The following NTNG1 variants were observed in gnomAD, a reference collection of about 807,000 sequenced individuals.
The protein encoded by NTNG1 is netrin-G1.
In NTNG1, 16 loss-of-function variants were observed where a neutral mutation model predicts 54.0. The ratio of observed to expected loss-of-function variants is 0.30; its 90% CI spans 0.20 to 0.45. The LOEUF (loss-of-function observed/expected upper bound fraction) is 0.45, where lower values mean the gene tolerates loss of function less well. NTNG1 is among the 20% of genes least tolerant of loss of function. The pLI is 1.00. For synonymous variants in NTNG1, 255 were observed against 263.1 expected (o/e 0.97, Z 0.30); for missense variants, 530 against 678.7 (o/e 0.78, Z 2.43).
chr1:107,271,020 A>G (rs773105955), intron 2 of NTNG1, among the ~76,000 whole-genome samples: 33 of 152,102 alleles, frequency 2.2e-4, no homozygotes, highest in Admixed American at 1.1e-3. Context: ...TACATATTCA[A>G]CCAAAAGGAT....
intron 5 of NTNG1, among the ~76,000 whole-genome samples, chr1:107,427,356 G>T (rs1220009841): frequency 1.3e-5 from 2 of 151,936 alleles, no homozygotes; most frequent in Non-Finnish European, 2.9e-5. Flanking sequence ...GGAGGTCATG[G>T]GAGGTCAGTG....
intron 7 of NTNG1, among the ~76,000 whole-genome samples, chr1:107,451,773 G>A (rs1676642104): frequency 6.6e-6 from 1 of 152,112 alleles, no homozygotes. Flanking sequence ...TTTGAATCCT[G>A]CAACATCATA....
At chr1:107,414,669 G>A (rs1344287630) in intron 5 of NTNG1, among the ~76,000 whole-genome samples, 1 of 152,110 alleles carries the variant, frequency 6.6e-6, no homozygotes, top group East Asian at 1.9e-4. Flanking sequence ...ACTGTTTATA[G>A]TACAGCAATC....
intron 2 of NTNG1, among the ~76,000 whole-genome samples, chr1:107,323,684 C>T (rs1667782544): frequency 6.6e-6 from 1 of 152,064 alleles, no homozygotes; most frequent in South Asian, 2.1e-4. Flanking sequence ...TAGGGTACCA[C>T]ATTTTAATAA....
chr1:107,152,246 G>GTTT (rs1201604523), intron 2 of NTNG1, among the ~76,000 whole-genome samples: 2 of 151,988 alleles, frequency 1.3e-5, no homozygotes, highest in Non-Finnish European at 2.9e-5. Flanking sequence ...TTTTTAGGCT[G>GTTT]GGAAAACACA....
chr1:107,461,860 C>G (rs977233464), intron 7 of NTNG1, among the ~76,000 whole-genome samples: 4 of 152,094 alleles, frequency 2.6e-5, no homozygotes, highest in African/African-American at 9.7e-5. Flanking sequence ...TCCAAGTTCC[C>G]TGGGCCTTGA....
chr1:107,326,812 T>G (rs1270436599), intron 3 of NTNG1, among the ~76,000 whole-genome samples: 3 of 152,172 alleles, frequency 2.0e-5, no homozygotes, highest in Non-Finnish European at 4.4e-5. Flanking sequence ...CTGATGCTTA[T>G]TTTTGTTATT....
chr1:107,272,121 C>T (rs893651590), intron 2 of NTNG1, among the ~76,000 whole-genome samples: 14 of 152,010 alleles, frequency 9.2e-5, no homozygotes, highest in African/African-American at 2.9e-4. Context: ...TCGAGCACCT[C>T]GTTGTGTCAA....
intron 3 of NTNG1, among the ~76,000 whole-genome samples, chr1:107,327,806 T>A (rs1449996554): frequency 6.6e-6 from 1 of 152,124 alleles, no homozygotes; most frequent in Non-Finnish European, 1.5e-5. Context: ...GAATTCAAAA[T>A]TTTTTTACCT....
chr1:107,435,681 T>G (rs1465886654), intron 6 of NTNG1, among the ~76,000 whole-genome samples: 3 of 152,124 alleles, frequency 2.0e-5, no homozygotes, highest in African/African-American at 7.2e-5. Context: ...ATGGTATAGT[T>G]TTATTTGGTT....
intron 2 of NTNG1, among the ~76,000 whole-genome samples, chr1:107,273,268 T>C (rs1664261688): frequency 6.6e-6 from 1 of 152,090 alleles, no homozygotes; most frequent in African/African-American, 2.4e-5. Context: ...GGAGAATGTA[T>C]AGAACTGGAA....
chr1:107,403,832 A>C (rs1204528417), intron 4 of NTNG1, among the ~76,000 whole-genome samples: 1 of 152,120 alleles, frequency 6.6e-6, no homozygotes, highest in Non-Finnish European at 1.5e-5. Flanking sequence ...TGGACAAGGC[A>C]CTTGAGTCTC....
chr1:107,239,003 A>C (rs2101569990), intron 2 of NTNG1, among the ~76,000 whole-genome samples: 1 of 152,314 alleles, frequency 6.6e-6, no homozygotes, highest in East Asian at 1.9e-4. Context: ...TGATTTGTTC[A>C]ACACAGGATT....
intron 2 of NTNG1, among the ~76,000 whole-genome samples, chr1:107,231,215 T>TA (rs1019864861): frequency 6.6e-6 from 1 of 152,168 alleles, no homozygotes; most frequent in Non-Finnish European, 1.5e-5. Context: ...ATGATCATCA[T>TA]AAAAATCAAT....
At chr1:107,180,038 C>T (rs1656953326) in intron 2 of NTNG1, among the ~76,000 whole-genome samples, 1 of 152,178 alleles carries the variant, frequency 6.6e-6, no homozygotes, top group Admixed American at 6.6e-5. Flanking sequence ...GAAACCCTTG[C>T]TTCCTACATA....
At chr1:107,273,174 A>C (rs1010949892) in intron 2 of NTNG1, among the ~76,000 whole-genome samples, 1 of 152,166 alleles carries the variant, frequency 6.6e-6, no homozygotes. Context: ...GCTTACAGAC[A>C]TCAAGGTAGG....
chr1:107,259,391 A>G (rs1663147394), intron 2 of NTNG1, among the ~76,000 whole-genome samples: 2 of 152,212 alleles, frequency 1.3e-5, no homozygotes, highest in African/African-American at 2.4e-5. Context: ...TGAAAGGATC[A>G]CCAGTGTTAG....
intron 1 of NTNG1, among the ~76,000 whole-genome samples, chr1:107,142,273 C>T (rs1653785540): frequency 6.6e-6 from 1 of 150,748 alleles, no homozygotes. Flanking sequence ...AAACTGCGCC[C>T]TCTGCTGTTA....
At chr1:107,346,883 C>T (rs999252910) in intron 3 of NTNG1, among the ~76,000 whole-genome samples, 4 of 58,170 alleles carry the variant, frequency 6.9e-5, no homozygotes, top group African/African-American at 2.5e-4. Context: ...CTTTTCTATC[C>T]TAAAAAAAAA....
Sources: allele counts gnomAD v4.1 joint callset (sites outside exome capture counted in the v4.1 genomes callset), GRCh38; gene constraint gnomAD v4.1.1; transcripts MANE v1.5; gene names NCBI Gene and HGNC (gene_info 2026-07-23, HGNC 2026-07-21).